The following EYA1 variants were observed in gnomAD, a reference collection of about 807,000 sequenced individuals.
EYA1 encodes EYA transcriptional coactivator and phosphatase 1, also known as protein phosphatase EYA1.
Under a neutral mutation model 82.0 loss-of-function variants are expected in EYA1, and 16 were observed. The observed-to-expected ratio is 0.20, with a 90% CI of 0.13 to 0.30. The LOEUF (loss-of-function observed/expected upper bound fraction) is 0.30. Among genes scored for constraint, EYA1 ranks in the 10% least tolerant of loss-of-function variants. The pLI is 1.00. For missense variants in EYA1, 633 were observed against 730.7 expected, an observed-to-expected ratio of 0.87 and a Z score of 1.54; for synonymous variants, 261 against 264.4, an observed-to-expected ratio of 0.99 and a Z score of 0.12.
chr8:71,484,299 A>G (rs1340960209), intron 2 of EYA1, among the ~76,000 whole-genome samples: 1 of 152,222 alleles, frequency 6.6e-6, no homozygotes, highest in Non-Finnish European at 1.5e-5. Flanking sequence ...CACAAAAGTA[A>G]AAAGACCAGG....
At chr8:71,416,367 T>TA (rs540913738) in intron 2 of EYA1, among the ~76,000 whole-genome samples, 33 of 152,252 alleles carry the variant, frequency 2.2e-4, no homozygotes, top group Non-Finnish European at 1.8e-4. Flanking sequence ...AACAGTCCTT[T>TA]ATTCAATGCG....
At chr8:71,468,946 T>C (rs1331251451) in intron 2 of EYA1, among the ~76,000 whole-genome samples, 1 of 152,166 alleles carries the variant, frequency 6.6e-6, no homozygotes, top group Non-Finnish European at 1.5e-5. Context: ...AACTTTCAAA[T>C]TATTTGTCTT....
At position 71,361,852 on chromosome 8, in the gene EYA1, G is replaced by T; in HGVS notation, c.-260C>A. 1 of 985,396 alleles carries T rather than the reference G, an allele frequency of 1.0e-6. No individual in the cohort carries two copies. Among genetic ancestry groups the T allele is most frequent in the African/African-American group, 1.7e-5 (1 of 57,348 alleles). The allele number at this position is 985,396 out of a possible 1,614,324, so 61.0% of individuals were successfully genotyped here. ...AGGGGGCAGGCGCCTGGCCGCTGCC[G>T]CAGGCTCGGGCTGCCGAGCGACTGA... On this transcript the variant is annotated 5_prime_UTR_variant, in exon 1 of 18. Transcript: ENST00000340726.
chr8:71,438,875 T>C (rs143034838), intron 2 of EYA1, among the ~76,000 whole-genome samples: 31 of 152,246 alleles, frequency 2.0e-4, no homozygotes, highest in Non-Finnish European at 3.7e-4. Context: ...TTGGAGAATG[T>C]CTTTGTGGAT....
intron 2 of EYA1, among the ~76,000 whole-genome samples, chr8:71,403,058 G>T (rs1158421893): frequency 1.3e-5 from 2 of 152,154 alleles, no homozygotes; most frequent in African/African-American, 2.4e-5. Flanking sequence ...AAACCCAAAA[G>T]CTACAAAGGA....
At chr8:71,360,881 G>A (rs79655454) in intron 1 of EYA1, among the ~76,000 whole-genome samples, 1,603 of 152,224 alleles carry the variant, frequency 0.011, 19 homozygotes, top group Non-Finnish European at 0.014. Context: ...ATGCTCTAAT[G>A]TGTTCAAAAC....
chr8:71,506,631 G>T (rs1812215190), intron 2 of EYA1, among the ~76,000 whole-genome samples: 2 of 152,180 alleles, frequency 1.3e-5, no homozygotes, highest in African/African-American at 4.8e-5. Context: ...CTTTCAGATA[G>T]ATCTTTGATA....
intron 2 of EYA1, among the ~76,000 whole-genome samples, chr8:71,429,046 T>C (rs1805447476): frequency 1.3e-5 from 2 of 152,170 alleles, no homozygotes; most frequent in African/African-American, 4.8e-5. Flanking sequence ...TTGATGGAAG[T>C]ATTTGGTCAC....
chr8:71,334,566 T>C (rs1463499090), intron 3 of EYA1, among the ~76,000 whole-genome samples: 2 of 152,158 alleles, frequency 1.3e-5, no homozygotes, highest in Non-Finnish European at 2.9e-5. Context: ...CAGAAAGATG[T>C]GGGGAAGCAG....
In EYA1 at chr8:71,352,303, T is replaced by C. The variant is rs557167023; in HGVS notation, c.124+2479A>G. On this transcript the variant is annotated intron_variant, in intron 3 of 17. Transcript: ENST00000340726. The stretch of plus-strand genomic sequence containing the variant: ...TGAAATAGATATATTATGAGACATA[T>C]AAGTAGCATGATAAACTGATTCACA... Among the ~76,000 whole-genome samples the C allele has an allele frequency of 3.9e-5, 6 of 152,292 alleles. No individual in the cohort carries two copies. In the East Asian group the frequency reaches 5.8e-4, roughly 15 times the overall value.
chr8:71,483,510 C>G (rs1419864172), intron 2 of EYA1, among the ~76,000 whole-genome samples: 2 of 151,710 alleles, frequency 1.3e-5, no homozygotes, highest in African/African-American at 4.9e-5. Flanking sequence ...ACATGCAAAA[C>G]TAGCTCACAT....
At chr8:71,523,179 C>T (rs13265085) in intron 2 of EYA1, among the ~76,000 whole-genome samples, 77,343 of 119,076 alleles carry the variant, frequency 0.65, 25,003 homozygotes, top group East Asian at 0.85. Context: ...TTTTCTTTTT[C>T]TTTTTTTTTT....
intron 12 of EYA1, among the ~76,000 whole-genome samples, chr8:71,218,970 T>C (rs112706538): frequency 0.12 from 18,199 of 151,950 alleles, 3,355 homozygotes; most frequent in African/African-American, 0.4. Flanking sequence ...GAATCAAAAC[T>C]GACCTGGAAT....
intron 14 of EYA1, 133 bp downstream of exon 14, chr8:71,216,558 TA>T: frequency 1.1e-6 from 1 of 924,256 alleles, no homozygotes; most frequent in East Asian, 2.5e-5. Flanking sequence ...CACAGCAGAA[TA>T]ATGGCCAGTG....
intron 11 of EYA1, among the ~76,000 whole-genome samples, chr8:71,261,020 A>G (rs1815036386): frequency 6.6e-6 from 1 of 152,186 alleles, no homozygotes; most frequent in Non-Finnish European, 1.5e-5. Flanking sequence ...AAGCTGAAAA[A>G]CAGGAATGAG....
chr8:71,288,020 T>C (rs1818576280), intron 9 of EYA1, among the ~76,000 whole-genome samples: 1 of 152,086 alleles, frequency 6.6e-6, no homozygotes, highest in Admixed American at 6.5e-5. Flanking sequence ...CAAACCCAGG[T>C]TAGCCCAACT....
At chr8:71,472,680 T>G in intron 2 of EYA1, among the ~76,000 whole-genome samples, 1 of 151,422 alleles carries the variant, frequency 6.6e-6, no homozygotes, top group East Asian at 1.9e-4. Flanking sequence ...AGCCATTGAA[T>G]AACATCATCA....
chr8:71,226,797 G>C (rs1260895070), intron 12 of EYA1, among the ~76,000 whole-genome samples: 1 of 151,300 alleles, frequency 6.6e-6, no homozygotes, highest in Non-Finnish European at 1.5e-5. Flanking sequence ...TCTCGTACAA[G>C]ATCCGTCTTT....
intron 4 of EYA1, among the ~76,000 whole-genome samples, chr8:71,330,847 T>C (rs1823755800): frequency 7.8e-6 from 1 of 127,782 alleles, no homozygotes; most frequent in Admixed American, 7.9e-5. Context: ...TTATCCTTGA[T>C]TTCTTGTGTG....
Sources: gnomAD v4.1 joint callset for allele counts (sites outside exome capture counted in the v4.1 genomes callset) on GRCh38, gnomAD v4.1.1 for gene constraint, MANE v1.5 for transcripts, NCBI Gene and HGNC (gene_info 2026-07-23, HGNC 2026-07-21) for gene names.